PTK7: variants seen among roughly 807,000 people sequenced by gnomAD.
The protein encoded by PTK7 is inactive tyrosine-protein kinase 7.
PTK7 carries 39 observed loss-of-function variants against 116.6 expected under a neutral mutation model. That is an observed-to-expected ratio of 0.33 (90% CI 0.26 to 0.44). The LOEUF is 0.44. Ranked by LOEUF, PTK7 falls within the 20% of genes least tolerant of loss-of-function variation. PTK7 has a pLI of 1.00. For synonymous variants in PTK7, 546 were observed against 563.6 expected (o/e 0.97, Z 0.44); for missense variants, 1,169 against 1,425.6 (o/e 0.82, Z 2.90).
chr6:43,144,601 C>G lies in PTK7; in HGVS notation c.2402C>G (p.Thr801Arg), dbSNP rs376785904. 3.1e-6 allele frequency: 5 copies of G among 1,609,530 alleles called. No individual in the cohort carries two copies. The highest frequency in any genetic ancestry group is 4.2e-6 in the Non-Finnish European group (5 of 1,177,064). ...FPRSSLQPIT[T>R]LGKSEFGEVF... The stretch of plus-strand genomic sequence containing the variant: ...CGGTCTAGCCTGCAGCCCATCACCA[C>G]GCTGGGTATGTTGCCTTGACTACAG... The change falls in exon 15 of 20, where the codon ACG becomes AGG. Residue 801 changes from threonine to arginine, a missense_variant. Physicochemically the swap from Thr to Arg is moderately conservative, Grantham distance 71. Transcript: ENST00000230419.
chr6:43,144,329 T>C (rs1393951053), intron 14 of PTK7, 122 bp from the exon 15 acceptor site: 5 of 1,223,136 alleles, frequency 4.1e-6, no homozygotes, highest in Non-Finnish European at 5.8e-6. Context: ...TGCCCTTTCA[T>C]GTGGAGCACT....
intron 17 of PTK7, among the ~76,000 whole-genome samples, chr6:43,157,910 A>T (rs1375561142): frequency 6.6e-6 from 1 of 152,024 alleles, no homozygotes; most frequent in Non-Finnish European, 1.5e-5. Flanking sequence ...TATTTTTAGT[A>T]GTGCTGGGTT....
At chr6:43,128,896 C>T in intron 1 of PTK7, 81 bp from the exon 2 acceptor site, 1 of 1,441,842 alleles carries the variant, frequency 6.9e-7, no homozygotes, top group Non-Finnish European at 9.4e-7. Flanking sequence ...AGCCCCTTTC[C>T]TCCTGTGCAC....
At position 43,157,410 on chromosome 6, in the gene PTK7, A is replaced by G. The variant is rs1429543307; in HGVS notation, c.2722-1407A>G. Among the ~76,000 whole-genome samples the G allele has an allele frequency of 8.4e-5, 9 of 107,214 alleles. No individual in the cohort carries two copies. In the East Asian group the frequency reaches 2.7e-3, roughly 32 times the overall value. 70.3% of individuals were successfully genotyped at this position (107,214 alleles called of 152,430 possible). A position where few individuals can be genotyped will look rare whatever the true frequency, so the allele number is the denominator to read the frequency against. ...TTTTTTTTTTTAATAGAGTCTCACTATGTTGCCCAGACTGGTCACAAACTC... is the reference window on the plus strand; with the variant it reads ...TTTTTTTTTTTAATAGAGTCTCACTGTGTTGCCCAGACTGGTCACAAACTC... On this transcript the variant is annotated intron_variant, in intron 17 of 19. Transcript: ENST00000230419.
intron 1 of PTK7, among the ~76,000 whole-genome samples, chr6:43,079,078 A>G (rs933454962): frequency 1.3e-5 from 2 of 152,136 alleles, no homozygotes; most frequent in African/African-American, 4.8e-5. Flanking sequence ...TCAGAGCAGC[A>G]TTGAGTGGTG....
intron 1 of PTK7, among the ~76,000 whole-genome samples, chr6:43,095,492 T>A (rs748899687): frequency 6.6e-6 from 1 of 152,120 alleles, no homozygotes; most frequent in Non-Finnish European, 1.5e-5. Flanking sequence ...TTACCACATA[T>A]GGGTTTCGGA....
At chr6:43,122,490 C>G (rs550586215) in intron 1 of PTK7, among the ~76,000 whole-genome samples, 1 of 152,150 alleles carries the variant, frequency 6.6e-6, no homozygotes. Context: ...AAACCTCTCC[C>G]TTGGGGGTCT....
intron 1 of PTK7, among the ~76,000 whole-genome samples, chr6:43,077,254 C>T (rs1766095340): frequency 1.3e-5 from 2 of 152,252 alleles, no homozygotes; most frequent in South Asian, 2.1e-4. Flanking sequence ...CCCAGGCTGT[C>T]GCGGTGACTA....
intron 1 of PTK7, among the ~76,000 whole-genome samples, chr6:43,099,918 A>C (rs1767471751): frequency 6.7e-6 from 1 of 150,188 alleles, no homozygotes; most frequent in African/African-American, 2.5e-5. Flanking sequence ...ATGGAGTTTC[A>C]CTCTTGTTGC....
chr6:43,151,372 C>T (rs567258129), intron 17 of PTK7, among the ~76,000 whole-genome samples: 24 of 149,884 alleles, frequency 1.6e-4, no homozygotes, highest in African/African-American at 4.4e-4. Flanking sequence ...CTACCACGCC[C>T]GGCCAATTTT....
intron 1 of PTK7, among the ~76,000 whole-genome samples, chr6:43,113,966 T>G (rs1011149607): frequency 2.0e-5 from 3 of 152,094 alleles, no homozygotes; most frequent in South Asian, 2.1e-4. Context: ...AGCTGTAACC[T>G]TCAGAATCTA....
intron 1 of PTK7, among the ~76,000 whole-genome samples, chr6:43,091,154 C>CTT (rs35002545): frequency 0.029 from 3,794 of 133,046 alleles, 79 homozygotes; most frequent in Middle Eastern, 0.05. Context: ...TCGGTTTCCT[C>CTT]TTTTTTTTTT....
At chr6:43,088,169 G>A (rs542714533) in intron 1 of PTK7, among the ~76,000 whole-genome samples, 57 of 152,222 alleles carry the variant, frequency 3.7e-4, no homozygotes, top group African/African-American at 1.3e-3. Context: ...AGACAGCAGC[G>A]GTGGCACGTG....
At chr6:43,087,038 G>A (rs1200142407) in intron 1 of PTK7, among the ~76,000 whole-genome samples, 1 of 152,154 alleles carries the variant, frequency 6.6e-6, no homozygotes, top group African/African-American at 2.4e-5. Context: ...CCAGCTGATG[G>A]GCCAAGATGA....
chr6:43,158,195 AG>A (rs1314374567), intron 17 of PTK7, among the ~76,000 whole-genome samples: 1 of 151,808 alleles, frequency 6.6e-6, no homozygotes, highest in Non-Finnish European at 1.5e-5. Context: ...GCTACTCGGG[AG>A]GCTGAGTCAG....
rs753518831 is a variant in PTK7, at chr6:43,160,930, G to A, written c.*49G>A. The A allele has an allele frequency of 6.3e-7, 1 of 1,595,252 alleles. No individual in the cohort carries two copies. Among genetic ancestry groups the A allele is most frequent in the African/African-American group, 1.3e-5 (1 of 74,622 alleles). On this transcript the variant is annotated 3_prime_UTR_variant, in exon 20 of 20. Transcript: ENST00000230419. ...CTGGGCAGGGGAGGACATCTCTAGA[G>A]GGAAGCTCACAGCATGATGGGCAAG...
intron 1 of PTK7, among the ~76,000 whole-genome samples, chr6:43,111,592 ACTG>A (rs1175880274): frequency 1.3e-5 from 2 of 152,224 alleles, no homozygotes; most frequent in Admixed American, 6.5e-5. Flanking sequence ...ACTGTTTCAC[ACTG>A]CTACCTCTGT....
At chr6:43,090,538 G>C (rs1766888160) in intron 1 of PTK7, among the ~76,000 whole-genome samples, 2 of 152,214 alleles carry the variant, frequency 1.3e-5, no homozygotes, top group Admixed American at 1.3e-4. Flanking sequence ...AAAAGATAGA[G>C]GGTTTATGGT....
At chr6:43,095,344 C>T (rs577833217) in intron 1 of PTK7, among the ~76,000 whole-genome samples, 128 of 152,240 alleles carry the variant, frequency 8.4e-4, no homozygotes, top group African/African-American at 2.9e-3. Flanking sequence ...TGCACTCCAG[C>T]CTGGGCAACA....
Sources: gnomAD v4.1 joint callset for allele counts (sites outside exome capture counted in the v4.1 genomes callset) on GRCh38, gnomAD v4.1.1 for gene constraint, MANE v1.5 for transcripts, NCBI Gene and HGNC (gene_info 2026-07-23, HGNC 2026-07-21) for gene names.